The following CASP6 variants were observed in gnomAD, a reference collection of about 807,000 sequenced individuals.
CASP6 encodes the protein caspase 6.
Under a neutral mutation model 31.8 loss-of-function variants are expected in CASP6, and 20 were observed. The ratio of observed to expected loss-of-function variants is 0.63; its 90% CI spans 0.44 to 0.91. The LOEUF is 0.91. Among genes scored for constraint, CASP6 ranks in the 40% least tolerant of loss-of-function variants. The pLI, the probability that CASP6 is intolerant of heterozygous loss-of-function variation, is 0.00. For missense variants in CASP6, 328 were observed against 361.1 expected (o/e 0.91, Z 0.74); for synonymous variants, 130 against 127.8 (o/e 1.02, Z -0.12).
At chr4:109,665,977 AAAG>A in the CASP6 span, among the ~76,000 whole-genome samples, 7 of 152,106 alleles carry the variant, frequency 4.6e-5, no homozygotes, top group African/African-American at 1.2e-4. Context: ...GCAAGAGGGG[AAAG>A]AAGAAGGGGG....
chr4:109,675,272 C>T, the CASP6 span, among the ~76,000 whole-genome samples: 3 of 152,198 alleles, frequency 2.0e-5, no homozygotes, highest in Admixed American at 6.5e-5. Context: ...ATAAACATTT[C>T]GTGCCACTTG....
chr4:109,690,808 G>A, intron 6 of CASP6, 42 bp downstream of exon 6: 1 of 1,554,990 alleles, frequency 6.4e-7, no homozygotes, highest in South Asian at 1.2e-5. Flanking sequence ...CAGGACCTTA[G>A]CCAAGAGAGG....
chr4:109,674,972 A>G, the CASP6 span, among the ~76,000 whole-genome samples: 2 of 152,336 alleles, frequency 1.3e-5, no homozygotes, highest in East Asian at 3.9e-4. Context: ...AGTATACCCA[A>G]ACTTTTATAT....
chr4:109,686,349 G>A (rs1026510540), downstream of CASP6, among the ~76,000 whole-genome samples: 1 of 152,132 alleles, frequency 6.6e-6, no homozygotes, highest in Non-Finnish European at 1.5e-5. Flanking sequence ...ATGTTGTCCA[G>A]GCTGGTCTCA....
At chr4:109,690,822 TTA>T (rs1343944022) in intron 6 of CASP6, 26 bp downstream of exon 6, 1 of 1,569,944 alleles carries the variant, frequency 6.4e-7, no homozygotes, top group Non-Finnish European at 8.6e-7. Flanking sequence ...AGAGAGGCAA[TTA>T]TATGTTTGTT....
chr4:109,690,576 C>A (rs575223894), intron 6 of CASP6, among the ~76,000 whole-genome samples: 1 of 152,114 alleles, frequency 6.6e-6, no homozygotes, highest in East Asian at 1.9e-4. Context: ...GGCACTACCA[C>A]CCTCAGTAAC....
intron 6 of CASP6, 120 bp from the exon 7 acceptor site, chr4:109,689,688 C>T (rs980038720): frequency 4.6e-6 from 4 of 870,638 alleles, no homozygotes; most frequent in Non-Finnish European, 5.4e-6. Flanking sequence ...TAAGATGTGT[C>T]CATGATATAA....
Position 109,689,537 on chromosome 4 carries a change from G to A in CASP6, c.675C>T (p.Gly225=). The change falls in exon 7 of 7, where the codon GGC becomes GGT. Residue 225 remains glycine, a synonymous_variant. Transcript: ENST00000265164. The stretch of plus-strand genomic sequence containing the variant: ...CACACAAATCTTGAATGTACCATGA[G>A]CCGTTCACAGTTTCCCGGTGAGAAT... The part of the protein sequence containing the change: ...GYYSHRETVN[G]SWYIQDLCEM... 1.9e-6 allele frequency: 3 copies of A among 1,614,174 alleles called. No homozygotes were observed. The highest frequency in any genetic ancestry group is 2.5e-6 in the Non-Finnish European group (3 of 1,180,034).
chr4:109,703,458 C>A, upstream of CASP6: 1 of 1,573,740 alleles, frequency 6.4e-7, no homozygotes. Flanking sequence ...GCTCCCGGGC[C>A]CGGCCCCGCC....
downstream of CASP6, among the ~76,000 whole-genome samples, chr4:109,685,997 G>A (rs548810692): frequency 6.6e-6 from 1 of 152,122 alleles, no homozygotes; most frequent in Non-Finnish European, 1.5e-5. Flanking sequence ...AAAAAGTTTG[G>A]TAAAAATATC....
upstream of CASP6, among the ~76,000 whole-genome samples, chr4:109,706,158 TATATATATATATAC>T (rs1214689509): frequency 3.6e-4 from 33 of 92,582 alleles, 1 homozygote; most frequent in African/African-American, 2.1e-3. Flanking sequence ...TATATATATA[TATATATATATATAC>T]ACACACACAT....
chr4:109,690,236 T>TG (rs1561256989), intron 6 of CASP6, among the ~76,000 whole-genome samples: 2 of 46,396 alleles, frequency 4.3e-5, no homozygotes, highest in Non-Finnish European at 8.5e-5. Context: ...AGTGAGACTA[T>TG]AAAAAAAAAA....
intron 1 of CASP6, among the ~76,000 whole-genome samples, chr4:109,701,001 T>C (rs5030534): frequency 0.67 from 101,358 of 152,150 alleles, 34,323 homozygotes; most frequent in African/African-American, 0.79. Flanking sequence ...CTCTGTTGCC[T>C]AGGCTGGAGT....
At chr4:109,700,484 T>G (rs1730387100) in intron 1 of CASP6, among the ~76,000 whole-genome samples, 1 of 152,188 alleles carries the variant, frequency 6.6e-6, no homozygotes, top group Non-Finnish European at 1.5e-5. Context: ...ACTGCCCCTG[T>G]GAATAGTCAC....
chr4:109,699,883 TTATC>T (rs1401119041), intron 1 of CASP6, among the ~76,000 whole-genome samples: 2 of 152,252 alleles, frequency 1.3e-5, no homozygotes, highest in Admixed American at 6.5e-5. Context: ...CCTCACCTGC[TTATC>T]TTTTAACCAA....
downstream of CASP6, chr4:109,684,827 A>G (rs1415291462): frequency 5.8e-6 from 3 of 517,280 alleles, no homozygotes; most frequent in East Asian, 9.3e-5. Flanking sequence ...GAGAAATTAT[A>G]TATAACTTCT....
At chr4:109,706,168 TATACAC>T (rs1436005636), upstream of CASP6, among the ~76,000 whole-genome samples, 5 of 92,488 alleles carry the variant, frequency 5.4e-5, no homozygotes, top group East Asian at 2.6e-4. Context: ...TATATATATA[TATACAC>T]ACACACATAT....
At chr4:109,679,224 C>T in the CASP6 span, among the ~76,000 whole-genome samples, 1 of 152,218 alleles carries the variant, frequency 6.6e-6, no homozygotes, top group East Asian at 1.9e-4. Flanking sequence ...GGCAGAGACA[C>T]TCCTTACTTC....
At chr4:109,706,969 C>A (rs1256760911), upstream of CASP6, among the ~76,000 whole-genome samples, 2 of 152,146 alleles carry the variant, frequency 1.3e-5, no homozygotes, top group Non-Finnish European at 2.9e-5. Flanking sequence ...TGCCAGTCAT[C>A]CCAGCCTTCA....
Sources: gnomAD v4.1 joint callset for allele counts (sites outside exome capture counted in the v4.1 genomes callset) on GRCh38, gnomAD v4.1.1 for gene constraint, MANE v1.5 for transcripts, NCBI Gene and HGNC (gene_info 2026-07-23, HGNC 2026-07-21) for gene names.